CPQ: variants seen among roughly 807,000 people sequenced by gnomAD.
CPQ encodes carboxypeptidase Q, also known as Ser-Met dipeptidase.
A neutral mutation model predicts 45.7 loss-of-function variants in CPQ; 37 were observed. The ratio of observed to expected loss-of-function variants is 0.81; its 90% CI spans 0.62 to 1.07. CPQ has a LOEUF of 1.07. CPQ is among the 50% of genes least tolerant of loss of function. CPQ has a pLI of 0.00. For missense variants in CPQ, 537 were observed against 572.9 expected (o/e 0.94, Z 0.64); for synonymous variants, 186 against 205.8 (o/e 0.90, Z 0.82).
chr8:97,045,887 C>T (rs1206062904), intron 6 of CPQ, among the ~76,000 whole-genome samples: 1 of 152,196 alleles, frequency 6.6e-6, no homozygotes, highest in East Asian at 1.9e-4. Context: ...GAAAGCAGCT[C>T]CTCGCTGGCA....
chr8:96,689,149 GAA>G (rs1012741466), intron 1 of CPQ, among the ~76,000 whole-genome samples: 5 of 152,146 alleles, frequency 3.3e-5, no homozygotes, highest in African/African-American at 1.2e-4. Flanking sequence ...AACGTTAAGA[GAA>G]ATAGATTTCC....
intron 7 of CPQ, among the ~76,000 whole-genome samples, chr8:97,128,210 T>G (rs1447299730): frequency 6.6e-6 from 1 of 152,194 alleles, no homozygotes; most frequent in Non-Finnish European, 1.5e-5. Context: ...ACTCAGAGAA[T>G]TAGGAAATTA....
chr8:96,728,096 C>A (rs1460270121), intron 1 of CPQ, among the ~76,000 whole-genome samples: 1 of 152,136 alleles, frequency 6.6e-6, no homozygotes, highest in Non-Finnish European at 1.5e-5. Flanking sequence ...ATTGTGACAT[C>A]TCTCAGGTTT....
intron 1 of CPQ, among the ~76,000 whole-genome samples, chr8:96,765,743 A>G (rs867201733): frequency 6.6e-6 from 1 of 152,186 alleles, no homozygotes; most frequent in Non-Finnish European, 1.5e-5. Context: ...TTAAAATTCC[A>G]AACAGTATTA....
At chr8:96,740,276 T>C (rs1457164784) in intron 1 of CPQ, among the ~76,000 whole-genome samples, 1 of 152,176 alleles carries the variant, frequency 6.6e-6, no homozygotes, top group Admixed American at 6.5e-5. Context: ...CTGTTGTTGG[T>C]GTATAAGAAT....
intron 3 of CPQ, among the ~76,000 whole-genome samples, chr8:96,850,069 T>C (rs1265645576): frequency 6.6e-6 from 1 of 152,210 alleles, no homozygotes; most frequent in Non-Finnish European, 1.5e-5. Context: ...ATGCATTGAT[T>C]TGATCTCCGT....
At position 96,966,075 on chromosome 8, in the gene CPQ, G is replaced by A. The variant is rs201303595; in HGVS notation, c.961+29G>A. 20 of 1,483,156 alleles carry A rather than the reference G, an allele frequency of 1.3e-5. No homozygotes were observed. In the South Asian group the frequency reaches 1.8e-4, roughly 14 times the overall value. The allele number at this position is 1,483,156 out of a possible 1,614,324, so 91.9% of individuals were successfully genotyped here. ...AATATTTAGAAAATTGTTAACTAATGTGTGAGGATCTCAGTGACATGTTTA... is the reference window on the plus strand; with the variant it reads ...AATATTTAGAAAATTGTTAACTAATATGTGAGGATCTCAGTGACATGTTTA... On this transcript the variant is annotated intron_variant, in intron 5 of 7. Coordinates refer to ENST00000220763, the MANE Select transcript of CPQ (RefSeq NM_016134.4).
At chr8:97,049,579 T>TTG (rs1810322417) in intron 6 of CPQ, among the ~76,000 whole-genome samples, 2 of 152,216 alleles carry the variant, frequency 1.3e-5, no homozygotes, top group Non-Finnish European at 2.9e-5. Context: ...GGAAACTCAA[T>TTG]AGTGACACAT....
At chr8:97,076,486 A>G (rs1040549397) in intron 7 of CPQ, among the ~76,000 whole-genome samples, 2 of 152,206 alleles carry the variant, frequency 1.3e-5, no homozygotes, top group African/African-American at 4.8e-5. Flanking sequence ...CAGGATTCCA[A>G]TAAGGTTCAA....
chr8:96,852,341 C>CA (rs1030125018), intron 3 of CPQ, among the ~76,000 whole-genome samples: 12 of 151,626 alleles, frequency 7.9e-5, no homozygotes, highest in African/African-American at 2.2e-4. Flanking sequence ...GACACACACA[C>CA]AAAAAAAAAG....
chr8:97,082,954 T>A (rs1810978057), intron 7 of CPQ, among the ~76,000 whole-genome samples: 1 of 152,126 alleles, frequency 6.6e-6, no homozygotes, highest in Non-Finnish European at 1.5e-5. Flanking sequence ...CCCAGAAACA[T>A]CCTTTAACAT....
intron 2 of CPQ, among the ~76,000 whole-genome samples, chr8:96,833,667 G>A (rs1016737290): frequency 1.3e-5 from 2 of 152,226 alleles, no homozygotes; most frequent in African/African-American, 4.8e-5. Flanking sequence ...AAAGCTGGTG[G>A]TTTCCTTAGT....
At chr8:96,854,557 A>AAAAAAAAAAAAAAAAAAAACAC (rs1554573253) in intron 3 of CPQ, among the ~76,000 whole-genome samples, 1 of 76,886 alleles carries the variant, frequency 1.3e-5, no homozygotes, top group African/African-American at 5.0e-5. Flanking sequence ...AAAAAAAAAA[A>AAAAAAAAAAAAAAAAAAAACAC]AATGTGGTGG....
At chr8:96,878,446 G>A (rs1275000856) in intron 3 of CPQ, among the ~76,000 whole-genome samples, 2 of 152,118 alleles carry the variant, frequency 1.3e-5, no homozygotes, top group African/African-American at 2.4e-5. Context: ...AATTATTTCT[G>A]CAAAATAACT....
intron 1 of CPQ, among the ~76,000 whole-genome samples, chr8:96,745,674 A>G (rs950080617): frequency 2.0e-5 from 3 of 152,236 alleles, no homozygotes; most frequent in African/African-American, 4.8e-5. Flanking sequence ...ATCATACTCA[A>G]TTTTGTATGA....
intron 3 of CPQ, among the ~76,000 whole-genome samples, chr8:96,865,840 T>C (rs186910451): frequency 1.0e-3 from 156 of 152,210 alleles, no homozygotes; most frequent in Non-Finnish European, 1.7e-3. Flanking sequence ...TTCACTCATT[T>C]ATTCATGAAA....
intron 5 of CPQ, among the ~76,000 whole-genome samples, chr8:97,007,154 G>A (rs1420849272): frequency 2.6e-5 from 4 of 152,142 alleles, no homozygotes; most frequent in Non-Finnish European, 4.4e-5. Context: ...CCAATATACC[G>A]ACATCTTTAA....
chr8:97,025,523 A>G (rs1203680104), intron 5 of CPQ, among the ~76,000 whole-genome samples: 1 of 152,186 alleles, frequency 6.6e-6, no homozygotes, highest in Non-Finnish European at 1.5e-5. Flanking sequence ...CTAGCCAGCT[A>G]AGACTCGGCA....
intron 5 of CPQ, among the ~76,000 whole-genome samples, chr8:97,004,786 C>T (rs1334949322): frequency 6.6e-6 from 1 of 151,958 alleles, no homozygotes; most frequent in Non-Finnish European, 1.5e-5. Flanking sequence ...GAAGAATATA[C>T]ATATGTAATG....
Sources: allele counts gnomAD v4.1 joint callset (sites outside exome capture counted in the v4.1 genomes callset), GRCh38; gene constraint gnomAD v4.1.1; transcripts MANE v1.5; gene names NCBI Gene and HGNC (gene_info 2026-07-23, HGNC 2026-07-21).